SLC5A12: variants seen among roughly 807,000 people sequenced by gnomAD.
SLC5A12 encodes the protein sodium-coupled monocarboxylate transporter 2.
In SLC5A12, 46 loss-of-function variants were observed where a neutral mutation model predicts 72.7. That is an observed-to-expected ratio of 0.63 (90% CI 0.50 to 0.81). The LOEUF is 0.81. Among genes scored for constraint, SLC5A12 ranks in the 30% least tolerant of loss-of-function variants. The pLI is 0.00. For missense variants in SLC5A12, 683 were observed against 740.7 expected, an observed-to-expected ratio of 0.92 and a Z score of 0.90; for synonymous variants, 275 against 264.4, an observed-to-expected ratio of 1.04 and a Z score of -0.39.
At chr11:26,698,568 T>C (rs752647574) in intron 6 of SLC5A12, 33 bp from the exon 7 acceptor site, 1 of 1,610,818 alleles carries the variant, frequency 6.2e-7, no homozygotes, top group Non-Finnish European at 8.5e-7. Context: ...ATTGGTAGCC[T>C]GTATACCATA....
In SLC5A12 at chr11:26,686,495, G is replaced by C. The variant is rs1195317977; in HGVS notation, c.1203C>G (p.Val401=). The change falls in exon 10 of 15, where the codon GTC becomes GTG. Residue 401 remains valine (V), a synonymous_variant. Transcript: ENST00000396005. ...MCTSMAVAAS[V]MGGVVQASLS... ...TCGTTACCTGCACAACACCTCCCAT[G>C]ACAGATGCAGCCACAGCCATAGAGG... 2 of 1,613,822 alleles carry C rather than the reference G, an allele frequency of 1.2e-6. No homozygotes were observed. Among genetic ancestry groups the C allele is most frequent in the East Asian group, 4.5e-5 (2 of 44,864 alleles).
In SLC5A12 at chr11:26,671,014, T is replaced by A; in HGVS notation, c.*88A>T. On this transcript the variant is annotated 3_prime_UTR_variant, in exon 15 of 15. Transcript: ENST00000396005. ...CTTCTAGCAATGGCAACTATACATA[T>A]CTACTAACAAGTAGGCAAGAAGTAT... 1 of 1,259,194 alleles carries A rather than the reference T, an allele frequency of 7.9e-7. No homozygotes were observed. Among genetic ancestry groups the A allele is most frequent in the Non-Finnish European group, 1.1e-6 (1 of 921,488 alleles). 78.0% of individuals were successfully genotyped at this position (1,259,194 alleles called of 1,614,324 possible).
intron 1 of SLC5A12, among the ~76,000 whole-genome samples, chr11:26,720,345 A>ATAAATAAATAAG (rs1356761011): frequency 2.0e-5 from 3 of 150,492 alleles, no homozygotes; most frequent in Non-Finnish European, 4.4e-5. Flanking sequence ...AAATAAATAA[A>ATAAATAAATAAG]TAAATAAGTA....
In SLC5A12 at chr11:26,698,388, C is replaced by A. The variant is rs1340605488; in HGVS notation, c.951+18G>T. On this transcript the variant is annotated intron_variant, in intron 7 of 14. Transcript: ENST00000396005. ...GCTCATTCCAGACACTCGCCACTGT[C>A]CTCAAGAAAACCCATACCTGGTCTG... 1 of 1,612,100 alleles carries A rather than the reference C, an allele frequency of 6.2e-7. No individual in the cohort carries two copies. The highest frequency in any genetic ancestry group is 8.5e-7 in the Non-Finnish European group (1 of 1,179,206).
intron 4 of SLC5A12, among the ~76,000 whole-genome samples, chr11:26,704,955 A>G (rs1026821761): frequency 2.0e-5 from 3 of 152,070 alleles, no homozygotes; most frequent in African/African-American, 7.2e-5. Flanking sequence ...GAATGGTCAA[A>G]TGGTGAGGTA....
At chr11:26,680,782 G>A (rs1383001388) in intron 12 of SLC5A12, among the ~76,000 whole-genome samples, 1 of 152,008 alleles carries the variant, frequency 6.6e-6, no homozygotes, top group Non-Finnish European at 1.5e-5. Flanking sequence ...CCAGTCACCT[G>A]TCTTTGAACC....
intron 8 of SLC5A12, among the ~76,000 whole-genome samples, chr11:26,696,068 T>C (rs536153872): frequency 3.2e-4 from 49 of 152,306 alleles, no homozygotes; most frequent in African/African-American, 7.9e-4. Flanking sequence ...GAAATTAGAA[T>C]CCTCAGACTT....
chr11:26,677,549 C>T (rs1854294047), intron 13 of SLC5A12, among the ~76,000 whole-genome samples: 1 of 152,150 alleles, frequency 6.6e-6, no homozygotes, highest in Non-Finnish European at 1.5e-5. Flanking sequence ...TTACAGATGT[C>T]AGGGTACTAA....
chr11:26,673,593 A>C, intron 13 of SLC5A12, 64 bp from the exon 14 acceptor site: 1 of 1,451,752 alleles, frequency 6.9e-7, no homozygotes, highest in Non-Finnish European at 9.1e-7. Flanking sequence ...TTACAGATTT[A>C]AACATTGTCA....
Position 26,669,268 on chromosome 11 carries a change from T to C in SLC5A12, c.*1834A>G, listed in dbSNP as rs1854084615. The C allele has an allele frequency of 6.7e-6, 1 of 149,630 alleles. No homozygotes were observed. 9.3% of individuals were successfully genotyped at this position (149,630 alleles called of 1,614,324 possible). A position where few individuals can be genotyped will look rare whatever the true frequency, so the allele number is the denominator to read the frequency against. ...CTCTCTTCTTTCCCTAAGATATTAA[T>C]AAAGCTAACTAGTTTTGGCTCAGAT... On this transcript the variant is annotated 3_prime_UTR_variant, in exon 15 of 15. Transcript: ENST00000396005.
intron 8 of SLC5A12, among the ~76,000 whole-genome samples, chr11:26,694,171 T>G (rs1854752010): frequency 6.6e-6 from 1 of 152,146 alleles, no homozygotes; most frequent in African/African-American, 2.4e-5. Flanking sequence ...TACAAGATAG[T>G]GGAAATATTT....
rs1056069956 is a variant in SLC5A12 at position 26,667,516 on chromosome 11, G to A, written c.*3586C>T. ...TTTTAGCAAATACTATATAAACAAA[G>A]GGAAAAGACCCTCCCCACCTTCTGT... On this transcript the variant is annotated 3_prime_UTR_variant, in exon 15 of 15. Coordinates refer to ENST00000396005, the MANE Select transcript of SLC5A12 (RefSeq NM_178498.4). 6.6e-6 allele frequency: 1 copy of A among 151,822 alleles called. No individual in the cohort carries two copies. The highest frequency in any genetic ancestry group is 1.5e-5 in the Non-Finnish European group (1 of 67,864). 9.4% of individuals were successfully genotyped at this position (151,822 alleles called of 1,614,324 possible).
At chr11:26,697,860 A>G (rs967983627) in intron 7 of SLC5A12, among the ~76,000 whole-genome samples, 2 of 144,688 alleles carry the variant, frequency 1.4e-5, no homozygotes, top group Non-Finnish European at 3.0e-5. Context: ...ATGCTGCCAG[A>G]CCTTGTCTTT....
At chr11:26,678,643 C>G (rs991195444) in intron 13 of SLC5A12, 69 bp downstream of exon 13, 9 of 1,127,328 alleles carry the variant, frequency 8.0e-6, no homozygotes, top group Non-Finnish European at 1.2e-5. Context: ...ATAAGACAGA[C>G]AGCCAGTCCA....
intron 9 of SLC5A12, among the ~76,000 whole-genome samples, chr11:26,690,318 T>C (rs956466026): frequency 2.0e-5 from 3 of 152,106 alleles, no homozygotes; most frequent in African/African-American, 7.2e-5. Flanking sequence ...AATTGTTCTA[T>C]CAGACATTTA....
rs977870039 is a variant in SLC5A12 at position 26,703,405 on chromosome 11, C to T, written c.821+126G>A. 1.1e-5 allele frequency: 11 copies of T among 996,900 alleles called. No individual in the cohort carries two copies. In the South Asian group the frequency reaches 2.0e-4, roughly 18 times the overall value. 61.8% of individuals were successfully genotyped at this position (996,900 alleles called of 1,614,324 possible). ...AAGAGTTAAGTGAGTCTCTCTGCCT[C>T]TCTCTTACACACACATACATACACA... On this transcript the variant is annotated intron_variant, in intron 6 of 14. Transcript: ENST00000396005.
intron 13 of SLC5A12, among the ~76,000 whole-genome samples, chr11:26,675,733 T>C (rs1367366689): frequency 2.6e-5 from 4 of 152,156 alleles, no homozygotes; most frequent in Non-Finnish European, 5.9e-5. Context: ...ATGAGCAGAA[T>C]GCAACCTAGA....
intron 6 of SLC5A12, among the ~76,000 whole-genome samples, chr11:26,702,653 C>T (rs1351978691): frequency 1.3e-5 from 2 of 152,056 alleles, no homozygotes; most frequent in African/African-American, 4.8e-5. Flanking sequence ...AGGCTTGTGC[C>T]TCTGCTTGTA....
At chr11:26,708,659 A>G (rs953484325) in intron 4 of SLC5A12, among the ~76,000 whole-genome samples, 6 of 152,128 alleles carry the variant, frequency 3.9e-5, no homozygotes, top group African/African-American at 1.2e-4. Flanking sequence ...ACAATGACTC[A>G]GAAGAATAAA....
Sources: allele counts gnomAD v4.1 joint callset (sites outside exome capture counted in the v4.1 genomes callset), GRCh38; gene constraint gnomAD v4.1.1; transcripts MANE v1.5; gene names NCBI Gene and HGNC (gene_info 2026-07-23, HGNC 2026-07-21).